The following DCAF6 variants were observed in gnomAD, a reference collection of about 807,000 sequenced individuals.
The protein encoded by DCAF6 is DDB1- and CUL4-associated factor 6.
In DCAF6, 54 loss-of-function variants were observed where a neutral mutation model predicts 125.1. The ratio of observed to expected loss-of-function variants is 0.43; its 90% CI spans 0.35 to 0.54. The LOEUF is 0.54. Ranked by LOEUF, DCAF6 falls within the 20% of genes least tolerant of loss-of-function variation. The probability of loss-of-function intolerance (pLI) is 0.01; values close to 1 mark genes in which losing one functional copy is unlikely to be tolerated. For missense variants in DCAF6, 934 were observed against 1,161.7 expected, an observed-to-expected ratio of 0.80 and a Z score of 2.85; for synonymous variants, 371 against 390.4, an observed-to-expected ratio of 0.95 and a Z score of 0.58.
chr1:167,923,199 T>C, the DCAF6 span, among the ~76,000 whole-genome samples: 20 of 152,188 alleles, frequency 1.3e-4, no homozygotes, highest in Non-Finnish European at 5.9e-5. Flanking sequence ...TCTGGGTGTA[T>C]ACTAAGAAGA....
chr1:168,022,655 A>C (rs1053406049), intron 11 of DCAF6, among the ~76,000 whole-genome samples: 1 of 147,438 alleles, frequency 6.8e-6, no homozygotes, highest in African/African-American at 2.7e-5. Flanking sequence ...GAGTTTGAGA[A>C]GGGCAAGGAG....
At chr1:167,922,871 A>G in the DCAF6 span, among the ~76,000 whole-genome samples, 12 of 152,222 alleles carry the variant, frequency 7.9e-5, no homozygotes, top group African/African-American at 2.4e-4. Context: ...CCTTGATTAA[A>G]TTAAAAAACA....
chr1:167,893,487 C>T, the DCAF6 span, among the ~76,000 whole-genome samples: 1 of 151,776 alleles, frequency 6.6e-6, no homozygotes, highest in Non-Finnish European at 1.5e-5. Context: ...GTGAGGCGGG[C>T]AGATTTCTTG....
intron 10 of DCAF6, among the ~76,000 whole-genome samples, chr1:168,010,699 G>C (rs1684163664): frequency 6.6e-6 from 1 of 152,028 alleles, no homozygotes; most frequent in African/African-American, 2.4e-5. Flanking sequence ...AGCTAAAACT[G>C]TATAGGTTAA....
intron 2 of DCAF6, among the ~76,000 whole-genome samples, chr1:167,961,392 A>G (rs906386805): frequency 2.6e-5 from 4 of 151,870 alleles, no homozygotes; most frequent in Non-Finnish European, 2.9e-5. Flanking sequence ...ACAGGTGCCC[A>G]CCACCACACC....
chr1:168,033,977 CTT>C (rs1490658684), intron 12 of DCAF6, among the ~76,000 whole-genome samples: 1 of 152,176 alleles, frequency 6.6e-6, no homozygotes, highest in East Asian at 1.9e-4. Context: ...AGTTCAGTCT[CTT>C]AAGTGCCCTA....
chr1:168,035,420 C>G (rs1687674886), intron 12 of DCAF6, among the ~76,000 whole-genome samples: 1 of 152,176 alleles, frequency 6.6e-6, no homozygotes, highest in African/African-American at 2.4e-5. Context: ...GCACTCCAAC[C>G]TGGACGACGG....
intron 1 of DCAF6, among the ~76,000 whole-genome samples, chr1:167,939,063 C>G (rs116331567): frequency 6.6e-6 from 1 of 152,074 alleles, no homozygotes; most frequent in Non-Finnish European, 1.5e-5. Flanking sequence ...TTTCTAAGTA[C>G]TTGAAAATAC....
At chr1:168,049,666 T>C (rs1689633605) in intron 16 of DCAF6, among the ~76,000 whole-genome samples, 1 of 136,590 alleles carries the variant, frequency 7.3e-6, no homozygotes, top group Non-Finnish European at 1.6e-5. Flanking sequence ...TTTTTTTTTT[T>C]TTTTTTGGAG....
chr1:168,061,287 TTAAG>T (rs1420531844), intron 17 of DCAF6, among the ~76,000 whole-genome samples: 4 of 152,226 alleles, frequency 2.6e-5, no homozygotes, highest in Admixed American at 1.3e-4. Context: ...AAAACACTTT[TTAAG>T]TAAGTCTATA....
chr1:167,897,104 C>T, the DCAF6 span, among the ~76,000 whole-genome samples: 6 of 150,732 alleles, frequency 4.0e-5, no homozygotes, highest in Non-Finnish European at 7.4e-5. Flanking sequence ...AGTCATAAGA[C>T]ATCAAGATCA....
the DCAF6 span, among the ~76,000 whole-genome samples, chr1:167,902,545 A>G: frequency 3.1e-4 from 47 of 152,350 alleles, no homozygotes; most frequent in Admixed American, 2.0e-3. Flanking sequence ...ACGGTATGGC[A>G]TAAATGGCCA....
chr1:167,878,401 G>T, the DCAF6 span: 2 of 1,590,300 alleles, frequency 1.3e-6, no homozygotes, highest in African/African-American at 1.3e-5. Context: ...TAATTCTCCC[G>T]CTTCTTTACT....
the DCAF6 span, among the ~76,000 whole-genome samples, chr1:167,899,853 T>C: frequency 1.3e-5 from 2 of 152,252 alleles, no homozygotes; most frequent in Non-Finnish European, 2.9e-5. Context: ...ATTTTGCCTG[T>C]CTGTAACATT....
chr1:168,045,755 A>C (rs1689084635), intron 16 of DCAF6, among the ~76,000 whole-genome samples: 1 of 152,210 alleles, frequency 6.6e-6, no homozygotes, highest in Non-Finnish European at 1.5e-5. Flanking sequence ...CCATAGCAGC[A>C]ATAAAAAATT....
intron 21 of DCAF6, among the ~76,000 whole-genome samples, chr1:168,072,553 G>A (rs1403019440): frequency 6.6e-6 from 1 of 152,122 alleles, no homozygotes; most frequent in Non-Finnish European, 1.5e-5. Flanking sequence ...AGCTTATAAA[G>A]AGCAGAGACC....
At chr1:168,073,670 T>A (rs1286934944) in intron 21 of DCAF6, among the ~76,000 whole-genome samples, 1 of 151,936 alleles carries the variant, frequency 6.6e-6, no homozygotes, top group Non-Finnish European at 1.5e-5. Context: ...CCTGCCAACT[T>A]TGAGATAGGC....
At chr1:168,060,571 C>T (rs571990948) in intron 17 of DCAF6, among the ~76,000 whole-genome samples, 2 of 152,206 alleles carry the variant, frequency 1.3e-5, no homozygotes, top group South Asian at 2.1e-4. Context: ...ACTAATGCAG[C>T]CTTAATTTTG....
intron 3 of DCAF6, among the ~76,000 whole-genome samples, chr1:167,967,718 T>TC (rs1357468841): frequency 7.8e-6 from 1 of 127,916 alleles, no homozygotes; most frequent in African/African-American, 3.6e-5. Flanking sequence ...CTGTATCTTT[T>TC]TTTTTTTTTT....
Sources: allele counts gnomAD v4.1 joint callset (sites outside exome capture counted in the v4.1 genomes callset), GRCh38; gene constraint gnomAD v4.1.1; transcripts MANE v1.5; gene names NCBI Gene and HGNC (gene_info 2026-07-23, HGNC 2026-07-21).